The following CREB5 variants were observed in gnomAD, a reference collection of about 807,000 sequenced individuals.
CREB5 encodes cAMP responsive element binding protein 5.
A neutral mutation model predicts 57.1 loss-of-function variants in CREB5; 19 were observed. That is an observed-to-expected ratio of 0.33 (90% CI 0.23 to 0.49). The LOEUF is 0.49. Among genes scored for constraint, CREB5 ranks in the 20% least tolerant of loss-of-function variants. The pLI, the probability that CREB5 is intolerant of heterozygous loss-of-function variation, is 0.99. For synonymous variants in CREB5, 238 were observed against 238.3 expected (o/e 1.00, Z 0.01); for missense variants, 579 against 671.6 (o/e 0.86, Z 1.52).
At chr7:28,319,724 CTG>C (rs2127983726) in intron 1 of CREB5, among the ~76,000 whole-genome samples, 1 of 152,186 alleles carries the variant, frequency 6.6e-6, no homozygotes, top group South Asian at 2.1e-4. Context: ...TCCCCGAAGT[CTG>C]TGTCTTTATT....
At chr7:28,688,276 G>A (rs1413423587) in intron 5 of CREB5, among the ~76,000 whole-genome samples, 1 of 152,110 alleles carries the variant, frequency 6.6e-6, no homozygotes, top group African/African-American at 2.4e-5. Flanking sequence ...CAAAAAGAGT[G>A]GCAGAGTAGA....
chr7:28,622,949 C>A (rs1173448806), intron 5 of CREB5, among the ~76,000 whole-genome samples: 1 of 152,174 alleles, frequency 6.6e-6, no homozygotes, highest in Non-Finnish European at 1.5e-5. Flanking sequence ...CTGGTGCAAT[C>A]TCAGCTCACT....
In CREB5 at chr7:28,681,824, C is replaced by T. The variant is rs189033777; in HGVS notation, c.465-36929C>T. Among the ~76,000 whole-genome samples, 238 of 152,266 alleles carry T rather than the reference C, an allele frequency of 1.6e-3. 1 individual carries two copies. The highest frequency in any genetic ancestry group is 5.5e-3 in the African/African-American group (230 of 41,546). On this transcript the variant is annotated intron_variant, in intron 5 of 10. Coordinates refer to ENST00000357727, the MANE Select transcript of CREB5 (RefSeq NM_182898.4). ...TCATTCATTCACTCATTCATTTATT[C>T]AACAAATATTCCAGGAGTGTCAACG...
intron 4 of CREB5, among the ~76,000 whole-genome samples, chr7:28,546,241 A>C (rs1794419039): frequency 6.6e-6 from 1 of 152,234 alleles, no homozygotes; most frequent in African/African-American, 2.4e-5. Flanking sequence ...TTTAATGGCC[A>C]AATAATATTC....
At chr7:28,455,626 A>G (rs1189784305) in intron 1 of CREB5, among the ~76,000 whole-genome samples, 1 of 151,520 alleles carries the variant, frequency 6.6e-6, no homozygotes, top group African/African-American at 2.4e-5. Flanking sequence ...GAGCACCTGG[A>G]CCTTCCGGCT....
At chr7:28,394,896 G>T (rs1300676698) in intron 1 of CREB5, among the ~76,000 whole-genome samples, 1 of 152,024 alleles carries the variant, frequency 6.6e-6, no homozygotes, top group Non-Finnish European at 1.5e-5. Context: ...TTCCTATGTT[G>T]CTTTGCCACA....
chr7:28,506,044 A>T (rs1399328838), intron 3 of CREB5, among the ~76,000 whole-genome samples: 4 of 152,148 alleles, frequency 2.6e-5, no homozygotes, highest in African/African-American at 9.7e-5. Flanking sequence ...AGTATCTTGG[A>T]GATTAGGTCA....
intron 1 of CREB5, among the ~76,000 whole-genome samples, chr7:28,391,636 G>A (rs1302916977): frequency 6.6e-6 from 1 of 152,086 alleles, no homozygotes; most frequent in Non-Finnish European, 1.5e-5. Flanking sequence ...TGTGCTTTTT[G>A]GTGACAGCCA....
chr7:28,318,767 C>G (rs1027144468), intron 1 of CREB5, among the ~76,000 whole-genome samples: 1 of 152,202 alleles, frequency 6.6e-6, no homozygotes, highest in Non-Finnish European at 1.5e-5. Context: ...CACAGAATAT[C>G]ATCGTAAATA....
chr7:28,560,727 C>G (rs1053287728), intron 4 of CREB5, among the ~76,000 whole-genome samples: 1 of 151,888 alleles, frequency 6.6e-6, no homozygotes, highest in Non-Finnish European at 1.5e-5. Flanking sequence ...CACAGACCTG[C>G]TGACCAGCCC....
At chr7:28,374,402 T>C (rs573653819) in intron 1 of CREB5, among the ~76,000 whole-genome samples, 25 of 152,306 alleles carry the variant, frequency 1.6e-4, no homozygotes, top group African/African-American at 5.3e-4. Context: ...TTCACCGTGG[T>C]ATAATTAATA....
intron 5 of CREB5, among the ~76,000 whole-genome samples, chr7:28,664,605 C>A (rs1449365064): frequency 6.6e-6 from 1 of 152,058 alleles, no homozygotes; most frequent in Non-Finnish European, 1.5e-5. Flanking sequence ...AGACATGATA[C>A]CTGTGTACTT....
intron 1 of CREB5, among the ~76,000 whole-genome samples, chr7:28,313,071 A>G (rs1225589889): frequency 6.6e-6 from 1 of 152,228 alleles, no homozygotes; most frequent in Non-Finnish European, 1.5e-5. Context: ...ACTAAAACTG[A>G]GAGTGCTGAA....
chr7:28,736,344 T>G (rs1039633856), intron 7 of CREB5, among the ~76,000 whole-genome samples: 1 of 151,888 alleles, frequency 6.6e-6, no homozygotes, highest in African/African-American at 2.4e-5. Context: ...TAATTTTGTA[T>G]TTTTAGTAAA....
chr7:28,435,701 G>A lies in CREB5; in HGVS notation c.3+22784G>A, dbSNP rs1010345054. ...ATTTATTTTCAGGGTAAGTGGTGGG[G>A]TTGTATAATACTCGTGTGACAGATG... On this transcript the variant is annotated intron_variant, in intron 1 of 10. Transcript: ENST00000357727. The A allele has an allele frequency of 1.8e-5, 18 of 979,746 alleles. No homozygotes were observed. The African/African-American group carries it at 2.8e-4, about 15-fold the overall frequency. 60.7% of individuals were successfully genotyped at this position (979,746 alleles called of 1,614,324 possible).
chr7:28,619,126 C>T (rs1323107780), intron 5 of CREB5, among the ~76,000 whole-genome samples: 4 of 152,204 alleles, frequency 2.6e-5, no homozygotes, highest in Non-Finnish European at 5.9e-5. Flanking sequence ...GCCTTTAAAT[C>T]ATCTTATGAG....
chr7:28,436,604 T>C (rs183566039), intron 1 of CREB5, among the ~76,000 whole-genome samples: 21 of 152,314 alleles, frequency 1.4e-4, no homozygotes, highest in Admixed American at 7.2e-4. Context: ...CTGACACTTA[T>C]GATGGCAAAT....
intron 5 of CREB5, among the ~76,000 whole-genome samples, chr7:28,710,425 T>C (rs957801377): frequency 6.6e-6 from 1 of 152,200 alleles, no homozygotes; most frequent in African/African-American, 2.4e-5. Flanking sequence ...AGTAAACAGG[T>C]AGACATAATA....
At chr7:28,318,419 A>G (rs184350224) in intron 1 of CREB5, among the ~76,000 whole-genome samples, 3 of 152,394 alleles carry the variant, frequency 2.0e-5, no homozygotes, top group African/African-American at 7.2e-5. Context: ...TACTTGTAAA[A>G]GTATACAAAA....
Sources: allele counts gnomAD v4.1 joint callset (sites outside exome capture counted in the v4.1 genomes callset), GRCh38; gene constraint gnomAD v4.1.1; transcripts MANE v1.5; gene names NCBI Gene and HGNC (gene_info 2026-07-23, HGNC 2026-07-21).